KCNN2: variants seen among roughly 807,000 people sequenced by gnomAD.
KCNN2 encodes small conductance calcium-activated potassium channel protein 2.
A neutral mutation model predicts 55.5 loss-of-function variants in KCNN2; 24 were observed. The ratio of observed to expected loss-of-function variants is 0.43; its 90% confidence interval spans 0.31 to 0.61. KCNN2 has a LOEUF of 0.61. KCNN2 is among the 20% of genes least tolerant of loss of function. KCNN2 has a pLI of 0.08. For missense variants in KCNN2, 754 were observed against 853.6 expected (o/e 0.88, Z 1.45); for synonymous variants, 431 against 336.1 (o/e 1.28, Z -3.09).
chr5:114,153,867 T>C (rs746717067), intron 1 of KCNN2, among the ~76,000 whole-genome samples: 3 of 152,182 alleles, frequency 2.0e-5, no homozygotes, highest in Non-Finnish European at 2.9e-5. Flanking sequence ...AATGTATTTA[T>C]TTCCCTCCCT....
At chr5:114,321,304 G>A (rs9326922) in intron 2 of KCNN2, among the ~76,000 whole-genome samples, 1 of 151,946 alleles carries the variant, frequency 6.6e-6, no homozygotes, top group African/African-American at 2.4e-5. Context: ...GTTCATGTGT[G>A]CCCCCAAACT....
At chr5:114,335,509 C>T (rs555894272) in intron 2 of KCNN2, among the ~76,000 whole-genome samples, 59 of 152,146 alleles carry the variant, frequency 3.9e-4, no homozygotes, top group Non-Finnish European at 7.8e-4. Context: ...TACTTTCTTG[C>T]ATCGTTTCTG....
At chr5:114,492,403 T>C (rs545020939) in intron 6 of KCNN2, among the ~76,000 whole-genome samples, 66 of 152,194 alleles carry the variant, frequency 4.3e-4, no homozygotes, top group Non-Finnish European at 8.4e-4. Context: ...CATGACTTTT[T>C]GTTTGTTTTC....
intron 3 of KCNN2, among the ~76,000 whole-genome samples, chr5:114,440,742 A>T (rs990226313): frequency 1.3e-5 from 2 of 152,154 alleles, no homozygotes; most frequent in Non-Finnish European, 2.9e-5. Context: ...TAAAAGTTAT[A>T]AGTATAACCT....
At chr5:114,215,728 T>A (rs1056061230) in intron 1 of KCNN2, among the ~76,000 whole-genome samples, 15 of 152,154 alleles carry the variant, frequency 9.9e-5, no homozygotes, top group African/African-American at 3.6e-4. Context: ...GACTGTTTTC[T>A]TATAACTAAA....
At chr5:114,335,321 T>C (rs1243644203) in intron 2 of KCNN2, among the ~76,000 whole-genome samples, 2 of 152,158 alleles carry the variant, frequency 1.3e-5, no homozygotes, top group African/African-American at 4.8e-5. Flanking sequence ...CCTACAAAAG[T>C]TGTAACAAAC....
At chr5:114,102,555 T>C (rs1751394168) in intron 1 of KCNN2, among the ~76,000 whole-genome samples, 2 of 152,188 alleles carry the variant, frequency 1.3e-5, no homozygotes, top group Non-Finnish European at 2.9e-5. Flanking sequence ...TCTTCTACGA[T>C]TTTTATGGTT....
chr5:114,229,175 A>G (rs1754304943), intron 2 of KCNN2, among the ~76,000 whole-genome samples: 2 of 151,874 alleles, frequency 1.3e-5, no homozygotes, highest in African/African-American at 2.4e-5. Context: ...CTCAGTGTTC[A>G]GTTTCATAGA....
chr5:114,479,524 C>A (rs543608553), intron 5 of KCNN2, among the ~76,000 whole-genome samples: 1 of 152,134 alleles, frequency 6.6e-6, no homozygotes, highest in Non-Finnish European at 1.5e-5. Flanking sequence ...CAGAGATATT[C>A]AGAACCTGAA....
chr5:114,163,232 G>A (rs1752831753), intron 1 of KCNN2, among the ~76,000 whole-genome samples: 1 of 152,168 alleles, frequency 6.6e-6, no homozygotes, highest in Admixed American at 6.5e-5. Flanking sequence ...CATGTCGTCT[G>A]CAAACAGGGA....
At chr5:114,086,922 C>T (rs1292425969) in intron 1 of KCNN2, among the ~76,000 whole-genome samples, 1 of 152,152 alleles carries the variant, frequency 6.6e-6, no homozygotes, top group Non-Finnish European at 1.5e-5. Flanking sequence ...GTTCCCTTTT[C>T]TGTGCAGCCT....
intron 5 of KCNN2, among the ~76,000 whole-genome samples, chr5:114,476,246 A>ATAGAC (rs1181107229): frequency 7.1e-6 from 1 of 141,470 alleles, no homozygotes; most frequent in African/African-American, 2.6e-5. Context: ...TCCAACAATG[A>ATAGAC]TAGACTGGAT....
At chr5:114,221,132 A>G (rs893442802) in intron 1 of KCNN2, among the ~76,000 whole-genome samples, 2 of 152,206 alleles carry the variant, frequency 1.3e-5, no homozygotes, top group African/African-American at 4.8e-5. Flanking sequence ...GCTGTTCTTT[A>G]ATTTCATGAC....
chr5:114,347,443 G>A (rs190841219), intron 2 of KCNN2, among the ~76,000 whole-genome samples: 3 of 152,292 alleles, frequency 2.0e-5, no homozygotes, highest in East Asian at 1.9e-4. Context: ...ACTAGGCTGC[G>A]TGCTTTATGT....
At chr5:114,337,148 T>C (rs1561576118) in intron 2 of KCNN2, among the ~76,000 whole-genome samples, 1 of 152,298 alleles carries the variant, frequency 6.6e-6, no homozygotes, top group African/African-American at 2.4e-5. Flanking sequence ...GGAACAAAGA[T>C]AGAGATATCT....
intron 1 of KCNN2, among the ~76,000 whole-genome samples, chr5:114,157,660 A>T (rs1010777303): frequency 5.3e-5 from 8 of 152,288 alleles, no homozygotes; most frequent in East Asian, 1.9e-4. Flanking sequence ...CATCCTCTCC[A>T]GCACCTGTTG....
intron 2 of KCNN2, among the ~76,000 whole-genome samples, chr5:114,300,639 G>T (rs1756135365): frequency 6.6e-6 from 1 of 152,172 alleles, no homozygotes; most frequent in South Asian, 2.1e-4. Flanking sequence ...GTTGTTCTCA[G>T]TTATTTGCTT....
chr5:114,358,862 A>G (rs1188430670), upstream of KCNN2, among the ~76,000 whole-genome samples: 1 of 152,270 alleles, frequency 6.6e-6, no homozygotes, highest in Non-Finnish European at 1.5e-5. Flanking sequence ...ATGTCTACAT[A>G]TAAACTTAAA....
At chr5:114,465,205 C>T (rs1761385333) in intron 4 of KCNN2, among the ~76,000 whole-genome samples, 1 of 152,132 alleles carries the variant, frequency 6.6e-6, no homozygotes, top group Non-Finnish European at 1.5e-5. Flanking sequence ...TTTCTTGTTC[C>T]TCGTGTCTCA....
Sources: gnomAD v4.1 joint callset for allele counts (sites outside exome capture counted in the v4.1 genomes callset) on GRCh38, gnomAD v4.1.1 for gene constraint, MANE v1.5 for transcripts, NCBI Gene and HGNC (gene_info 2026-07-23, HGNC 2026-07-21) for gene names.